Variants in CTXND1 observed in about 807,000 individuals in gnomAD.
CTXND1 encodes the protein cortexin domain containing 1, also known as cortexin domain-containing 1 protein.
chr15:80,204,218 A>ACACC (rs1893123071), intron 1 of CTXND1, among the ~76,000 whole-genome samples: 2 of 142,674 alleles, frequency 1.4e-5, no homozygotes, highest in Admixed American at 7.1e-5. Flanking sequence ...ACATACACAC[A>ACACC]TGCACACACA....
chr15:80,236,318 G>A (rs745992153), intron 1 of CTXND1, among the ~76,000 whole-genome samples: 21 of 152,140 alleles, frequency 1.4e-4, no homozygotes, highest in Middle Eastern at 3.4e-3. Flanking sequence ...GGATTTCAGC[G>A]AATGTACAGT....
At chr15:80,250,738 C>T (rs1893684393) in intron 1 of CTXND1, among the ~76,000 whole-genome samples, 1 of 152,166 alleles carries the variant, frequency 6.6e-6, no homozygotes, top group African/African-American at 2.4e-5. Context: ...TTATGCTGAG[C>T]CATCCCTGAA....
chr15:80,231,209 C>T (rs1220688857), intron 1 of CTXND1, among the ~76,000 whole-genome samples: 1 of 151,818 alleles, frequency 6.6e-6, no homozygotes, highest in African/African-American at 2.4e-5. Context: ...TCCAGGTTCA[C>T]ATGGGTAGTC....
At chr15:80,239,249 C>A (rs1595910030) in intron 1 of CTXND1, among the ~76,000 whole-genome samples, 1 of 152,314 alleles carries the variant, frequency 6.6e-6, no homozygotes, top group East Asian at 1.9e-4. Flanking sequence ...GTCTCTTGCT[C>A]CCCACCTCTC....
intron 1 of CTXND1, among the ~76,000 whole-genome samples, chr15:80,207,297 T>C (rs1344203988): frequency 6.6e-6 from 1 of 152,072 alleles, no homozygotes; most frequent in Non-Finnish European, 1.5e-5. Flanking sequence ...TCCTGTTTTT[T>C]TTTTCTTTTT....
At chr15:80,230,180 A>G (rs1406031465) in intron 1 of CTXND1, among the ~76,000 whole-genome samples, 2 of 152,238 alleles carry the variant, frequency 1.3e-5, no homozygotes, top group African/African-American at 4.8e-5. Context: ...TAGAAAATCA[A>G]TTCTGTTTCC....
intron 1 of CTXND1, among the ~76,000 whole-genome samples, chr15:80,220,189 A>T (rs557604136): frequency 7.3e-5 from 11 of 151,514 alleles, no homozygotes; most frequent in Admixed American, 3.9e-4. Flanking sequence ...ATCTATCTAT[A>T]TTAGAATTCT....
At chr15:80,220,298 G>T (rs1464378813) in intron 1 of CTXND1, among the ~76,000 whole-genome samples, 3 of 152,004 alleles carry the variant, frequency 2.0e-5, no homozygotes, top group African/African-American at 7.3e-5. Flanking sequence ...ATAAACAATT[G>T]TCTCATCCCT....
chr15:80,228,917 G>A (rs758595501), intron 1 of CTXND1, among the ~76,000 whole-genome samples: 1 of 125,718 alleles, frequency 8.0e-6, no homozygotes, highest in Non-Finnish European at 1.7e-5. Context: ...CGTGAGCCAC[G>A]GTGCCGGGTT....
intron 2 of CTXND1, among the ~76,000 whole-genome samples, chr15:80,202,812 G>T (rs528774954): frequency 6.6e-5 from 10 of 152,032 alleles, no homozygotes; most frequent in Admixed American, 5.9e-4. Context: ...CCTGAAAACT[G>T]TAAGTGTTAT....
intron 1 of CTXND1, among the ~76,000 whole-genome samples, chr15:80,225,474 T>C (rs555274976): frequency 2.9e-4 from 44 of 152,334 alleles, no homozygotes; most frequent in African/African-American, 1.0e-3. Context: ...GGTTTTATTA[T>C]ACAAATATAC....
At chr15:80,204,824 A>C (rs1276608478) in intron 1 of CTXND1, among the ~76,000 whole-genome samples, 6 of 152,086 alleles carry the variant, frequency 3.9e-5, no homozygotes, top group Non-Finnish European at 8.8e-5. Context: ...CAGAAGTGGC[A>C]TTGCTGGATC....
At chr15:80,209,437 G>A (rs1893182548) in intron 1 of CTXND1, among the ~76,000 whole-genome samples, 1 of 152,176 alleles carries the variant, frequency 6.6e-6, no homozygotes. Flanking sequence ...GAGCCTGTAC[G>A]AGCCAAGTGC....
chr15:80,244,778 C>T (rs1430471141), intron 1 of CTXND1, among the ~76,000 whole-genome samples: 2 of 152,272 alleles, frequency 1.3e-5, no homozygotes, highest in Middle Eastern at 3.4e-3. Flanking sequence ...CTAGATCTTT[C>T]CCACAGAGAA....
chr15:80,235,287 G>A (rs1019654399), intron 1 of CTXND1, among the ~76,000 whole-genome samples: 44 of 152,140 alleles, frequency 2.9e-4, no homozygotes, highest in Non-Finnish European at 6.2e-4. Flanking sequence ...CAGAAGCCTA[G>A]GGTAAATGTT....
In CTXND1 at chr15:80,201,675, T is replaced by G; in HGVS notation, c.*95A>C. 2.5e-6 allele frequency: 1 copy of G among 397,932 alleles called. No individual in the cohort carries two copies. The highest frequency in any genetic ancestry group is 2.1e-5 in the African/African-American group (1 of 48,750). The allele number at this position is 397,932 out of a possible 1,614,324, so 24.7% of individuals were successfully genotyped here. On this transcript the variant is annotated 3_prime_UTR_variant, in exon 3 of 3. Coordinates refer to ENST00000560778, the MANE Select transcript of CTXND1 (RefSeq NM_001352888.2). The stretch of plus-strand genomic sequence containing the variant: ...TGGGTGGCCAGATTCATTCCTTGCC[T>G]CTGTGGGATGGCAGGCTGGCAGGGA...
chr15:80,245,176 A>G (rs1169197009), intron 1 of CTXND1, among the ~76,000 whole-genome samples: 6 of 152,126 alleles, frequency 3.9e-5, no homozygotes, highest in Non-Finnish European at 8.8e-5. Flanking sequence ...CAATCCCTCT[A>G]TGGGCAACAG....
intron 1 of CTXND1, among the ~76,000 whole-genome samples, chr15:80,224,680 A>G (rs1432861331): frequency 6.6e-6 from 1 of 152,242 alleles, no homozygotes; most frequent in Non-Finnish European, 1.5e-5. Context: ...AAGTGACCCA[A>G]ACAATGAACA....
chr15:80,197,372 C>T lies in CTXND1; in HGVS notation c.*4398G>A, dbSNP rs1038934318. 1 of 152,256 alleles carries T rather than the reference C, an allele frequency of 6.6e-6. No homozygotes were observed. The highest frequency in any genetic ancestry group is 1.5e-5 in the Non-Finnish European group (1 of 68,098). The allele number at this position is 152,256 out of a possible 1,614,324, so 9.4% of individuals were successfully genotyped here. A position where few individuals can be genotyped will look rare whatever the true frequency, so the allele number is the denominator to read the frequency against. On this transcript the variant is annotated 3_prime_UTR_variant, in exon 3 of 3. Coordinates refer to ENST00000560778, the MANE Select transcript of CTXND1 (RefSeq NM_001352888.2). ...GACATGAGCTACCTTGCCTTGTCAT[C>T]CCTGGGTGTTTTACTGTTCCCTGTT... is the stretch of plus-strand genomic sequence containing the variant.
Sources: allele counts gnomAD v4.1 joint callset (sites outside exome capture counted in the v4.1 genomes callset), GRCh38; gene constraint gnomAD v4.1.1; transcripts MANE v1.5; gene names NCBI Gene and HGNC (gene_info 2026-07-23, HGNC 2026-07-21).